The following NRXN1 variants were observed in gnomAD, a reference collection of about 807,000 sequenced individuals.
The protein encoded by NRXN1 is neurexin-1.
Under a neutral mutation model 150.9 loss-of-function variants are expected in NRXN1, and 39 were observed. The ratio of observed to expected loss-of-function variants is 0.26; its 90% CI spans 0.20 to 0.34. The LOEUF is 0.34. Among genes scored for constraint, NRXN1 ranks in the 10% least tolerant of loss-of-function variants. NRXN1 has a pLI of 1.00. For synonymous variants in NRXN1, 924 were observed against 757.0 expected (o/e 1.22, Z -3.62); for missense variants, 1,815 against 1,949.9 (o/e 0.93, Z 1.30).
intron 5 of NRXN1, among the ~76,000 whole-genome samples, chr2:50,893,243 A>G (rs1392414233): frequency 1.3e-5 from 2 of 152,186 alleles, no homozygotes; most frequent in East Asian, 3.9e-4. Context: ...ACATGCAAAT[A>G]TCTATTATTT....
chr2:50,324,386 G>C (rs969536056), intron 17 of NRXN1, among the ~76,000 whole-genome samples: 1 of 152,196 alleles, frequency 6.6e-6, no homozygotes, highest in Non-Finnish European at 1.5e-5. Flanking sequence ...AAGCCAAGAT[G>C]ATAGAGTCAA....
intron 2 of NRXN1, among the ~76,000 whole-genome samples, chr2:50,947,448 A>G (rs1690576476): frequency 7.2e-6 from 1 of 138,968 alleles, no homozygotes; most frequent in Non-Finnish European, 1.5e-5. Context: ...TGAAACAGTG[A>G]TAATATGTTA....
At chr2:50,479,869 G>A (rs2090327215) in intron 15 of NRXN1, among the ~76,000 whole-genome samples, 1 of 141,692 alleles carries the variant, frequency 7.1e-6, no homozygotes, top group Non-Finnish European at 1.5e-5. Flanking sequence ...CGCCTCCTGG[G>A]TTCAAGCAAT....
At chr2:50,719,365 T>C (rs1230218357) in intron 5 of NRXN1, among the ~76,000 whole-genome samples, 3 of 152,044 alleles carry the variant, frequency 2.0e-5, no homozygotes, top group African/African-American at 4.8e-5. Flanking sequence ...AAAATAAATA[T>C]CTTATTTAAA....
intron 5 of NRXN1, among the ~76,000 whole-genome samples, chr2:50,755,410 A>T (rs1266892354): frequency 1.3e-5 from 2 of 151,796 alleles, no homozygotes; most frequent in Non-Finnish European, 1.5e-5. Context: ...CCCATTTACC[A>T]TATGCCAAAC....
chr2:50,636,979 G>T (rs1573912207), intron 5 of NRXN1, among the ~76,000 whole-genome samples: 1 of 152,134 alleles, frequency 6.6e-6, no homozygotes, highest in African/African-American at 2.4e-5. Context: ...AAGTATAGAA[G>T]GATCAATCAA....
intron 5 of NRXN1, among the ~76,000 whole-genome samples, chr2:50,825,780 G>A (rs940759833): frequency 4.6e-5 from 7 of 152,182 alleles, no homozygotes; most frequent in Non-Finnish European, 8.8e-5. Context: ...ATTGGAAGTC[G>A]GTCGGGAGGC....
chr2:50,219,963 T>TTATATATTA (rs1553776250), intron 18 of NRXN1, among the ~76,000 whole-genome samples: 9 of 60,700 alleles, frequency 1.5e-4, no homozygotes, highest in South Asian at 3.7e-4. Context: ...AATATATATA[T>TTATATATTA]TATATATATA....
At chr2:50,259,233 T>C (rs2068013924) in intron 17 of NRXN1, among the ~76,000 whole-genome samples, 1 of 151,938 alleles carries the variant, frequency 6.6e-6, no homozygotes, top group South Asian at 2.1e-4. Context: ...TTGTCTACAC[T>C]GAAAATCTAT....
At chr2:50,893,886 AATG>A in intron 5 of NRXN1, among the ~76,000 whole-genome samples, 1 of 152,246 alleles carries the variant, frequency 6.6e-6, no homozygotes. Flanking sequence ...GTTTACTGAG[AATG>A]ATGATTTCCA....
At chr2:51,003,226 T>C (rs1700289099) in intron 2 of NRXN1, among the ~76,000 whole-genome samples, 1 of 151,922 alleles carries the variant, frequency 6.6e-6, no homozygotes, top group Non-Finnish European at 1.5e-5. Context: ...AGTAAAATTA[T>C]TGTTATCAAC....
chr2:50,069,012 C>G (rs1695795278), intron 19 of NRXN1, among the ~76,000 whole-genome samples: 3 of 152,120 alleles, frequency 2.0e-5, no homozygotes, highest in African/African-American at 4.8e-5. Context: ...AGGTCATTAG[C>G]TGGAAGAAAC....
At chr2:50,443,485 G>T (rs1214613390) in intron 17 of NRXN1, among the ~76,000 whole-genome samples, 1 of 152,160 alleles carries the variant, frequency 6.6e-6, no homozygotes, top group Non-Finnish European at 1.5e-5. Flanking sequence ...TTAGTCTGAG[G>T]GGTGGAGCAC....
chr2:50,725,559 G>A (rs1042573758), intron 5 of NRXN1, among the ~76,000 whole-genome samples: 34 of 152,048 alleles, frequency 2.2e-4, no homozygotes, highest in African/African-American at 7.0e-4. Context: ...CTATTATCAC[G>A]GTGTTAACTG....
chr2:50,894,233 G>C (rs1226712281), intron 5 of NRXN1, among the ~76,000 whole-genome samples: 2 of 132,636 alleles, frequency 1.5e-5, no homozygotes, highest in South Asian at 2.3e-4. Context: ...AAAACTTAAA[G>C]TATAATAATA....
At chr2:50,666,766 A>C (rs1688081262) in intron 5 of NRXN1, among the ~76,000 whole-genome samples, 1 of 151,870 alleles carries the variant, frequency 6.6e-6, no homozygotes, top group Non-Finnish European at 1.5e-5. Context: ...AATATTTTAG[A>C]ACTACTAACC....
rs570653568 is a variant in NRXN1 at position 50,402,051 on chromosome 2, A to T, written c.3364+63391T>A. Reference sequence around the variant, plus strand: ...GACTTGCCTAGAACAGCAGCCTTTTATTCTGATTGAATCTGTGGAAAATAA... The same window carrying T: ...GACTTGCCTAGAACAGCAGCCTTTTTTTCTGATTGAATCTGTGGAAAATAA... On this transcript the variant is annotated intron_variant, in intron 17 of 22. Transcript: ENST00000401669. Among the ~76,000 whole-genome samples, 10 of 152,234 alleles carry T rather than the reference A, an allele frequency of 6.6e-5. No individual in the cohort carries two copies. In the South Asian group the frequency reaches 2.1e-3, roughly 32 times the overall value.
intron 5 of NRXN1, among the ~76,000 whole-genome samples, chr2:50,675,577 A>G (rs1251865729): frequency 6.6e-6 from 1 of 152,192 alleles, no homozygotes; most frequent in Non-Finnish European, 1.5e-5. Context: ...TTGGGACAAC[A>G]GTGAAATATG....
At chr2:50,418,485 A>G (rs2083721093) in intron 17 of NRXN1, among the ~76,000 whole-genome samples, 1 of 152,112 alleles carries the variant, frequency 6.6e-6, no homozygotes, top group Admixed American at 6.6e-5. Context: ...GAGTGACTGG[A>G]ACGGAGAAAG....
Sources: allele counts gnomAD v4.1 joint callset (sites outside exome capture counted in the v4.1 genomes callset), GRCh38; gene constraint gnomAD v4.1.1; transcripts MANE v1.5; gene names NCBI Gene and HGNC (gene_info 2026-07-23, HGNC 2026-07-21).